Variants in ONECUT2 observed in about 807,000 individuals in gnomAD.
ONECUT2 encodes one cut homeobox 2, also known as one cut domain family member 2.
A neutral mutation model predicts 27.9 loss-of-function variants in ONECUT2; 10 were observed. The ratio of observed to expected loss-of-function variants is 0.36; its 90% CI spans 0.22 to 0.61. The LOEUF (loss-of-function observed/expected upper bound fraction) is 0.61, where lower values mean the gene tolerates loss of function less well. Among genes scored for constraint, ONECUT2 ranks in the 20% least tolerant of loss-of-function variants. The pLI, the probability that ONECUT2 is intolerant of heterozygous loss-of-function variation, is 0.73. For missense variants in ONECUT2, 686 were observed against 721.0 expected, an observed-to-expected ratio of 0.95 and a Z score of 0.56; for synonymous variants, 334 against 315.1, an observed-to-expected ratio of 1.06 and a Z score of -0.64.
rs1190594759 is a variant in ONECUT2, at chr18:57,490,096, G to A, written c.*13373G>A. On this transcript the variant is annotated 3_prime_UTR_variant, in exon 2 of 2. Transcript: ENST00000491143. The stretch of plus-strand genomic sequence containing the variant: ...CTTCATCTTTGCATTTCTCAAAAGT[G>A]TTCTCCTGGACCAGAGGGAAAGAGC... 6.6e-6 allele frequency: 1 copy of A among 152,138 alleles called. No individual in the cohort carries two copies. Among genetic ancestry groups the A allele is most frequent in the African/African-American group, 2.4e-5 (1 of 41,418 alleles). 9.4% of individuals were successfully genotyped at this position (152,138 alleles called of 1,614,324 possible).
intron 1 of ONECUT2, 65 bp downstream of exon 1, chr18:57,437,009 C>A: frequency 6.7e-7 from 1 of 1,498,628 alleles, no homozygotes; most frequent in South Asian, 1.3e-5. Context: ...GTGCTTGTGG[C>A]CCAAGTCTGC....
intron 1 of ONECUT2, among the ~76,000 whole-genome samples, chr18:57,472,921 T>C (rs1279850856): frequency 1.3e-5 from 2 of 152,170 alleles, no homozygotes; most frequent in African/African-American, 4.8e-5. Flanking sequence ...GCAGAAGATA[T>C]TTGCCTGGAT....
At chr18:57,455,579 G>T (rs2050254714) in intron 1 of ONECUT2, among the ~76,000 whole-genome samples, 1 of 152,142 alleles carries the variant, frequency 6.6e-6, no homozygotes, top group Non-Finnish European at 1.5e-5. Context: ...TGGTCATCCT[G>T]GAGAAAGCAT....
rs773105719 is a variant in ONECUT2 at position 57,476,641 on chromosome 18, G to A, written c.1433G>A (p.Arg478Gln). ...TTVSNFFMNA[R>Q]RRSLEKWQDD... ...GTCAGCAACTTCTTCATGAACGCCC[G>A]GCGCCGCAGCCTGGAGAAGTGGCAA... The change falls in exon 2 of 2, where the codon CGG becomes CAG. Residue 478 changes from arginine (R) to glutamine (Q), a missense_variant. Arg to Gln is a conservative substitution (Grantham distance 43). Transcript: ENST00000491143. The A allele has an allele frequency of 2.5e-6, 4 of 1,614,148 alleles. No homozygotes were observed. The highest frequency in any genetic ancestry group is 1.7e-6 in the Non-Finnish European group (2 of 1,180,022).
At chr18:57,456,383 T>C (rs1293866670) in intron 1 of ONECUT2, among the ~76,000 whole-genome samples, 2 of 152,198 alleles carry the variant, frequency 1.3e-5, no homozygotes, top group Non-Finnish European at 2.9e-5. Context: ...GGAGTTTTCA[T>C]ACAGTGGAAT....
intron 1 of ONECUT2, among the ~76,000 whole-genome samples, chr18:57,449,531 A>C (rs1453561781): frequency 1.3e-5 from 2 of 152,158 alleles, no homozygotes; most frequent in Non-Finnish European, 2.9e-5. Context: ...GGGAATCTCA[A>C]AGTAGGATTG....
Position 57,483,039 on chromosome 18 carries a change from A to C in ONECUT2, c.*6316A>C, listed in dbSNP as rs629737. On this transcript the variant is annotated 3_prime_UTR_variant, in exon 2 of 2. Coordinates refer to ENST00000491143, the MANE Select transcript of ONECUT2 (RefSeq NM_004852.3). ...CATCTGTGTTAGGATGACACCTATG[A>C]TTGATGACTTCGGTTGAATAGCTTT... The C allele has an allele frequency of 0.39, 58,883 of 151,898 alleles. 11,901 individuals carry two copies. The highest frequency in any genetic ancestry group is 0.48 in the East Asian group (2,489 of 5,150). 9.4% of individuals were successfully genotyped at this position (151,898 alleles called of 1,614,324 possible).
In ONECUT2 at chr18:57,436,637, G is replaced by A. The variant is rs1346348915; in HGVS notation, c.921G>A (p.Val307=). 1 of 1,611,828 alleles carries A rather than the reference G, an allele frequency of 6.2e-7. No individual in the cohort carries two copies. The highest frequency in any genetic ancestry group is 8.5e-7 in the Non-Finnish European group (1 of 1,179,906). ...HPGHTQSHGP[V]LAPSRERPPS... ...GCCACACTCAGTCTCACGGGCCGGT[G>A]CTGGCACCCAGTCGCGAGCGGCCAC... Residue 307 remains valine, a synonymous_variant, in exon 1 of 2, where the codon GTG becomes GTA. Coordinates refer to ENST00000491143, the MANE Select transcript of ONECUT2 (RefSeq NM_004852.3). This position sits in a 1 kb window ranked among gnomAD's most constrained non-coding sequence, Gnocchi z 5.9.
At chr18:57,442,005 G>T (rs1444121235) in intron 1 of ONECUT2, among the ~76,000 whole-genome samples, 1 of 138,388 alleles carries the variant, frequency 7.2e-6, no homozygotes. Context: ...GCCGAGGCCC[G>T]GGTCACTGGC....
rs1401533720 is a variant in ONECUT2 at position 57,436,372 on chromosome 18, G to T, written c.656G>T (p.Gly219Val). ...TACAGTCCCTACAAGGAGATGCCCG[G>T]CATGAGCCAGAGCCTGTCCCCGCTG... Reference protein sequence around the residue: ...NLYSPYKEMPGMSQSLSPLAA... With the variant: ...NLYSPYKEMPVMSQSLSPLAA... The change falls in exon 1 of 2, where the codon GGC becomes GTC. Residue 219 changes from glycine (G) to valine (V), a missense_variant. Transcript: ENST00000491143. The surrounding 1 kb of genome is among the most constrained non-coding windows in gnomAD (Gnocchi z 5.9). The T allele has an allele frequency of 6.2e-7, 1 of 1,607,830 alleles. No individual in the cohort carries two copies. Among genetic ancestry groups the T allele is most frequent in the East Asian group, 2.2e-5 (1 of 44,830 alleles).
chr18:57,435,995 G>GGCGGCAGCGGCGGCA lies in ONECUT2; in HGVS notation c.285_299dup (p.Ala97_Ala101dup), dbSNP rs1355419257. On this transcript the variant is annotated inframe_insertion, in exon 1 of 2. Transcript: ENST00000491143. ...CAACCGCGCACCAGGAGCTGGGCAC[G>GGCGGCAGCGGCGGCA]GCGGCAGCGGCGGCAGCGGCGGCGT... 2.7e-6 allele frequency: 4 copies of GGCGGCAGCGGCGGCA among 1,482,114 alleles called. No homozygotes were observed. In the African/African-American group the frequency reaches 4.4e-5, roughly 16 times the overall value. The allele number at this position is 1,482,114 out of a possible 1,614,324, so 91.8% of individuals were successfully genotyped here.
intron 1 of ONECUT2, among the ~76,000 whole-genome samples, chr18:57,454,781 C>T (rs549617613): frequency 6.6e-6 from 1 of 152,290 alleles, no homozygotes; most frequent in African/African-American, 2.4e-5. Context: ...TTACTCCCCA[C>T]CCCCAATGTC....
chr18:57,471,622 CCTATAT>C (rs974727560), intron 1 of ONECUT2, among the ~76,000 whole-genome samples: 33 of 152,274 alleles, frequency 2.2e-4, no homozygotes, highest in African/African-American at 7.2e-4. Flanking sequence ...TACCAAGGAA[CCTATAT>C]TTTTAGGCAG....
chr18:57,467,606 C>T (rs1176483416), intron 1 of ONECUT2, among the ~76,000 whole-genome samples: 1 of 152,066 alleles, frequency 6.6e-6, no homozygotes, highest in Non-Finnish European at 1.5e-5. Flanking sequence ...ACCTCGTGAT[C>T]CACCCGCCTC....
At chr18:57,468,501 C>T (rs2050336437) in intron 1 of ONECUT2, among the ~76,000 whole-genome samples, 1 of 152,204 alleles carries the variant, frequency 6.6e-6, no homozygotes, top group Non-Finnish European at 1.5e-5. Context: ...TAACTGGGAA[C>T]TATTTATAGT....
rs1008277896 is a variant in ONECUT2, at chr18:57,478,289, A to G, written c.*1566A>G. The G allele has an allele frequency of 2.6e-5, 4 of 152,530 alleles. No individual in the cohort carries two copies. Among genetic ancestry groups the G allele is most frequent in the African/African-American group, 9.6e-5 (4 of 41,466 alleles). 9.4% of individuals were successfully genotyped at this position (152,530 alleles called of 1,614,324 possible). On this transcript the variant is annotated 3_prime_UTR_variant, in exon 2 of 2. Transcript: ENST00000491143. ...TCACAATGTGCATATTTACCAGTGA[A>G]TGGCCCCGGGTGGGGCCACGTGGGG...
At chr18:57,453,315 T>C (rs1390560927) in intron 1 of ONECUT2, among the ~76,000 whole-genome samples, 8 of 152,262 alleles carry the variant, frequency 5.3e-5, no homozygotes, top group Admixed American at 5.2e-4. Context: ...ATATCTTAGC[T>C]GCTCTGACTA....
Position 57,478,232 on chromosome 18 carries a change from A to G in ONECUT2, c.*1509A>G, listed in dbSNP as rs2050395836. ...GTCACCTTCCCATAGCAAGTGGAAG[A>G]GCGCCCACAGAACTCTGGGAGATTG... On this transcript the variant is annotated 3_prime_UTR_variant, in exon 2 of 2. Coordinates refer to ENST00000491143, the MANE Select transcript of ONECUT2 (RefSeq NM_004852.3). 6.6e-6 allele frequency: 1 copy of G among 152,520 alleles called. No homozygotes were observed. Among genetic ancestry groups the G allele is most frequent in the South Asian group, 2.1e-4 (1 of 4,832 alleles). 9.4% of individuals were successfully genotyped at this position (152,520 alleles called of 1,614,324 possible).
rs2050449448 is a variant in ONECUT2, at chr18:57,488,540, A to G, written c.*11817A>G. 6.6e-6 allele frequency: 1 copy of G among 152,624 alleles called. No homozygotes were observed. Among genetic ancestry groups the G allele is most frequent in the Non-Finnish European group, 1.5e-5 (1 of 68,038 alleles). The allele number at this position is 152,624 out of a possible 1,614,324, so 9.5% of individuals were successfully genotyped here. A position where few individuals can be genotyped will look rare whatever the true frequency, so the allele number is the denominator to read the frequency against. On this transcript the variant is annotated 3_prime_UTR_variant, in exon 2 of 2. Coordinates refer to ENST00000491143, the MANE Select transcript of ONECUT2 (RefSeq NM_004852.3). ...AAGAAGACTTGTCTTATGAAACCCA[A>G]GGTATATTTTGTTATGCCATTTTAT... is the stretch of plus-strand genomic sequence containing the variant.
Sources: allele counts gnomAD v4.1 joint callset (sites outside exome capture counted in the v4.1 genomes callset), GRCh38; gene constraint gnomAD v4.1.1; non-coding constraint Gnocchi (gnomAD v3.1); transcripts MANE v1.5; gene names NCBI Gene and HGNC (gene_info 2026-07-23, HGNC 2026-07-21).